IL23R: variants seen among roughly 807,000 people sequenced by gnomAD.
IL23R encodes the protein interleukin-23 receptor.
Under a neutral mutation model 56.9 loss-of-function variants are expected in IL23R, and 34 were observed. The ratio of observed to expected loss-of-function variants is 0.60; its 90% CI spans 0.45 to 0.80. IL23R has a LOEUF of 0.80. Ranked by LOEUF, IL23R falls within the 30% of genes least tolerant of loss-of-function variation. The pLI is 0.00. For synonymous variants in IL23R, 230 were observed against 249.2 expected, an observed-to-expected ratio of 0.92 and a Z score of 0.73; for missense variants, 635 against 730.0, an observed-to-expected ratio of 0.87 and a Z score of 1.50.
intron 1 of IL23R, among the ~76,000 whole-genome samples, chr1:67,151,226 T>A (rs1458623802): frequency 1.3e-5 from 2 of 152,226 alleles, no homozygotes; most frequent in East Asian, 1.9e-4. Flanking sequence ...CTTTTTTTCA[T>A]GTTTGTTGGC....
At chr1:67,252,198 T>C (rs1652668652) in intron 9 of IL23R, among the ~76,000 whole-genome samples, 2 of 152,240 alleles carry the variant, frequency 1.3e-5, no homozygotes, top group Admixed American at 1.3e-4. Context: ...ATATTGGCTT[T>C]GCTTTCAGGT....
At position 67,152,914 on chromosome 1, in the gene IL23R, T is replaced by C. The variant is rs773815269; in HGVS notation, c.-634+13753T>C. On this transcript the variant is annotated intron_variant, in intron 1 of 10. Coordinates refer to the IL23R transcript ENST00000637002. ...GGATATTGGCCTGAGGTTTTCTTTT[T>C]TTGTTGTGTCTCTGCCAGGTTTTGG... Among the ~76,000 whole-genome samples, 12 of 152,282 alleles carry C rather than the reference T, an allele frequency of 7.9e-5. 1 individual carries two copies. The highest frequency in any genetic ancestry group is 4.6e-4 in the Admixed American group (7 of 15,300).
At chr1:67,196,427 C>T (rs1648159809) in intron 4 of IL23R, among the ~76,000 whole-genome samples, 1 of 152,078 alleles carries the variant, frequency 6.6e-6, no homozygotes, top group Non-Finnish European at 1.5e-5. Context: ...GCGATCCCAG[C>T]TACTCAGGAG....
Position 67,236,778 on chromosome 1 carries a change from A to C in IL23R, c.1021A>C (p.Ile341Leu). 6.2e-7 allele frequency: 1 copy of C among 1,612,274 alleles called. No individual in the cohort carries two copies. Among genetic ancestry groups the C allele is most frequent in the Non-Finnish European group, 8.5e-7 (1 of 1,178,310 alleles). ...TWNSGLTVAS[I>L]STGHLTSDNR... ...GAATTCTGGGCTAACAGTTGCTTCC[A>C]TCTCTACAGGGCACCTTACTTCTGG... The change falls in exon 8 of 11, where the codon ATC becomes CTC. Residue 341 changes from isoleucine to leucine, a missense_variant. Physicochemically the swap from Ile to Leu is conservative, Grantham distance 5 (BLOSUM62 2). Coordinates refer to ENST00000347310, the MANE Select transcript of IL23R (RefSeq NM_144701.3).
At chr1:67,260,572 G>T (rs1365611930), downstream of IL23R, among the ~76,000 whole-genome samples, 2 of 152,052 alleles carry the variant, frequency 1.3e-5, no homozygotes, top group African/African-American at 4.8e-5. Context: ...CAATCCATAA[G>T]GACTGGAGTA....
chr1:67,220,606 A>G (rs2100233825), intron 7 of IL23R, among the ~76,000 whole-genome samples: 1 of 151,412 alleles, frequency 6.6e-6, no homozygotes, highest in African/African-American at 2.4e-5. Context: ...GCTGGTTTAC[A>G]CCTGTAATCC....
intron 3 of IL23R, among the ~76,000 whole-genome samples, chr1:67,181,902 A>T (rs1647149345): frequency 1.3e-5 from 2 of 152,188 alleles, no homozygotes; most frequent in South Asian, 4.1e-4. Flanking sequence ...GGTCCATTCC[A>T]GCCCTGTTTG....
intron 6 of IL23R, among the ~76,000 whole-genome samples, chr1:67,218,246 T>A (rs1649980149): frequency 6.7e-6 from 1 of 149,612 alleles, no homozygotes; most frequent in Non-Finnish European, 1.5e-5. Context: ...TTTCTTAATA[T>A]TTTAATTTTT....
intron 6 of IL23R, among the ~76,000 whole-genome samples, chr1:67,218,348 G>GTATATATATATATA (rs1472585876): frequency 2.1e-5 from 3 of 142,316 alleles, no homozygotes; most frequent in African/African-American, 8.0e-5. Flanking sequence ...GTGTGTGTGT[G>GTATATATATATATA]TGTGTGTGTG....
rs193284951 is a variant in IL23R, at chr1:67,156,228, G to C, written c.-633-11864G>C. 2.0e-5 allele frequency among the ~76,000 whole-genome samples: 3 copies of C among 152,138 alleles called. No individual in the cohort carries two copies. The South Asian group carries it at 6.2e-4, about 32-fold the overall frequency. ...AGCTCTCCTGTATGAGGTGTCTGTC[G>C]ACCCCCGTTGGGAGGTCTCTCCAAG... On this transcript the variant is annotated intron_variant, in intron 1 of 10. Coordinates refer to the IL23R transcript ENST00000637002.
At chr1:67,230,494 T>G (rs1050935964) in intron 7 of IL23R, among the ~76,000 whole-genome samples, 4 of 152,204 alleles carry the variant, frequency 2.6e-5, no homozygotes, top group Non-Finnish European at 4.4e-5. Context: ...GTATGGTCCT[T>G]GTCATTTAGG....
At chr1:67,195,927 T>C (rs1011664714) in intron 4 of IL23R, among the ~76,000 whole-genome samples, 8 of 152,170 alleles carry the variant, frequency 5.3e-5, no homozygotes, top group Admixed American at 3.3e-4. Context: ...TTCCAAAAGA[T>C]GTAAGTGGCT....
chr1:67,156,873 T>G (rs1646774132), intron 1 of IL23R, among the ~76,000 whole-genome samples: 1 of 152,174 alleles, frequency 6.6e-6, no homozygotes, highest in Non-Finnish European at 1.5e-5. Flanking sequence ...AACAAACTCC[T>G]GCAGCTCAGT....
chr1:67,240,705 TAAAAG>T (rs1262884322), intron 9 of IL23R, among the ~76,000 whole-genome samples: 1 of 152,184 alleles, frequency 6.6e-6, no homozygotes, highest in East Asian at 1.9e-4. Context: ...TGCCTTGTGT[TAAAAG>T]AAAAACTTCA....
chr1:67,244,527 A>G (rs1240693306), intron 9 of IL23R, among the ~76,000 whole-genome samples: 3 of 152,136 alleles, frequency 2.0e-5, no homozygotes, highest in African/African-American at 7.2e-5. Context: ...AGCCTTATGC[A>G]TATGGCTAGC....
chr1:67,154,004 G>A (rs528652445), intron 1 of IL23R, among the ~76,000 whole-genome samples: 10 of 152,262 alleles, frequency 6.6e-5, no homozygotes, highest in African/African-American at 2.4e-4. Context: ...TCCTGACCTC[G>A]TGATCTGCCC....
intron 1 of IL23R, among the ~76,000 whole-genome samples, chr1:67,167,572 G>A (rs1646888190): frequency 6.6e-6 from 1 of 152,064 alleles, no homozygotes; most frequent in African/African-American, 2.4e-5. Context: ...CCAGAAGTTA[G>A]CTCAGCCCAG....
chr1:67,196,944 T>C (rs1648197998), intron 4 of IL23R, among the ~76,000 whole-genome samples: 1 of 152,186 alleles, frequency 6.6e-6, no homozygotes, highest in African/African-American at 2.4e-5. Flanking sequence ...TTGTCAGTTT[T>C]CTATAGTTCT....
At chr1:67,170,373 A>G (rs966775186) in intron 3 of IL23R, among the ~76,000 whole-genome samples, 5 of 152,302 alleles carry the variant, frequency 3.3e-5, no homozygotes, top group African/African-American at 1.2e-4. Context: ...CACTATTCCA[A>G]TTTAGAATCA....
Sources: gnomAD v4.1 joint callset for allele counts (sites outside exome capture counted in the v4.1 genomes callset) on GRCh38, gnomAD v4.1.1 for gene constraint, MANE v1.5 for transcripts, NCBI Gene and HGNC (gene_info 2026-07-23, HGNC 2026-07-21) for gene names.